ADGRG4: variants seen among roughly 807,000 people sequenced by gnomAD.
ADGRG4 encodes the protein adhesion G protein-coupled receptor G4.
Under a neutral mutation model 126.2 loss-of-function variants are expected in ADGRG4, and 122 were observed. The observed-to-expected ratio is 0.97, with a 90% confidence interval of 0.83 to 1.12. ADGRG4 has a LOEUF of 1.12. ADGRG4 is among the 50% of genes most tolerant of loss of function. The pLI, the probability that ADGRG4 is intolerant of heterozygous loss-of-function variation, is 0.00. For synonymous variants in ADGRG4, 943 were observed against 838.7 expected (o/e 1.12, Z -2.15); for missense variants, 2,481 against 2,251.8 (o/e 1.10, Z -2.06).
In ADGRG4 at chrX:136,346,908, G is replaced by A; in HGVS notation, c.3202G>A (p.Asp1068Asn). ...GACCACAGCATTGGTACCACCTTTGGATCAGACTGCTTCCACAACCATTGT... is the reference window on the plus strand; with the variant it reads ...GACCACAGCATTGGTACCACCTTTGAATCAGACTGCTTCCACAACCATTGT... ...TMTTALVPPL[D>N]QTASTTIVIV... The change falls in exon 6 of 26, where the codon GAT becomes AAT. Residue 1068 changes from aspartate to asparagine, a missense_variant. Physicochemically the swap from Asp to Asn is conservative, Grantham distance 23. Coordinates refer to ENST00000394143, the MANE Select transcript of ADGRG4 (RefSeq NM_153834.4). The A allele has an allele frequency of 8.3e-7, 1 of 1,210,793 alleles. No homozygotes were observed. Among genetic ancestry groups the A allele is most frequent in the Non-Finnish European group, 1.1e-6 (1 of 895,020 alleles).
At chrX:136,375,769 G>C (rs1218307743) in intron 15 of ADGRG4, among the ~76,000 whole-genome samples, 1 of 111,873 alleles carries the variant, frequency 8.9e-6, no homozygotes, top group Non-Finnish European at 1.9e-5. Flanking sequence ...TGAATTCCTT[G>C]TAGATTCTGG....
chrX:136,338,927 T>G (rs888616727), intron 5 of ADGRG4, among the ~76,000 whole-genome samples: 3 of 111,665 alleles, frequency 2.7e-5, no homozygotes, highest in African/African-American at 9.8e-5. Flanking sequence ...ATTTTTATAG[T>G]CTTTGTGATG....
chrX:136,366,175 T>G (rs1482462929), intron 13 of ADGRG4, among the ~76,000 whole-genome samples: 3 of 112,575 alleles, frequency 2.7e-5, no homozygotes, highest in Non-Finnish European at 5.6e-5. Flanking sequence ...AAAAGTCCTC[T>G]ATGCTCCACT....
chrX:136,357,826 G>T (rs1569327260), intron 10 of ADGRG4, 70 bp downstream of exon 10: 1 of 746,520 alleles, frequency 1.3e-6, no homozygotes, highest in Non-Finnish European at 2.0e-6. Context: ...ATTTAATTCT[G>T]CATGTGCGGC....
At chrX:136,357,579 C>A in intron 9 of ADGRG4, 125 bp from the exon 10 acceptor site, 2 of 487,249 alleles carry the variant, frequency 4.1e-6, no homozygotes, top group East Asian at 3.9e-5. Context: ...GGGTAGTTTG[C>A]AGACGGCAAT....
In ADGRG4 at chrX:136,353,334, C is replaced by G. The variant is rs1388739384; in HGVS notation, c.6823-3C>G. On this transcript the variant is annotated splice_region_variant and splice_polypyrimidine_tract_variant and intron_variant, in intron 7 of 25. Coordinates refer to ENST00000394143, the MANE Select transcript of ADGRG4 (RefSeq NM_153834.4). Reference sequence around the variant, plus strand: ...AAAACTGATTTTTTTTTGTCTTGTACAGTTGAATTCTATATTTCAGAACAG... The same window carrying G: ...AAAACTGATTTTTTTTTGTCTTGTAGAGTTGAATTCTATATTTCAGAACAG... 1 of 1,166,428 alleles carries G rather than the reference C, an allele frequency of 8.6e-7. No individual in the cohort carries two copies.
intron 15 of ADGRG4, among the ~76,000 whole-genome samples, chrX:136,380,165 C>CAAA (rs530503038): frequency 2.0e-5 from 1 of 50,013 alleles, no homozygotes; most frequent in Non-Finnish European, 3.9e-5. Flanking sequence ...AAGCTGTTAC[C>CAAA]AAAAAAAAAA....
chrX:136,400,873 GTCAGC>G (rs2075376060), intron 21 of ADGRG4, among the ~76,000 whole-genome samples: 1 of 112,023 alleles, frequency 8.9e-6, no homozygotes, highest in Admixed American at 9.4e-5. Flanking sequence ...AACTGACATG[GTCAGC>G]TCGGCTCCTT....
intron 4 of ADGRG4, among the ~76,000 whole-genome samples, chrX:136,311,442 A>T (rs975509873): frequency 9.6e-6 from 1 of 104,423 alleles, no homozygotes; most frequent in Non-Finnish European, 2.0e-5. Flanking sequence ...CTCACACCCC[A>T]AGTGGAGTAG....
chrX:136,378,652 T>C (rs748493110), intron 15 of ADGRG4, among the ~76,000 whole-genome samples: 12 of 111,980 alleles, frequency 1.1e-4, no homozygotes, highest in Non-Finnish European at 1.7e-4. Context: ...GTTCTTTATT[T>C]GATTGAGGTA....
chrX:136,400,360 A>G (rs2075373507), intron 21 of ADGRG4, among the ~76,000 whole-genome samples: 1 of 112,057 alleles, frequency 8.9e-6, no homozygotes, highest in Non-Finnish European at 1.9e-5. Context: ...TGCTGGCTCT[A>G]TAGTAGTGAA....
chrX:136,379,886 A>G (rs2075249299), intron 15 of ADGRG4, among the ~76,000 whole-genome samples: 1 of 111,235 alleles, frequency 9.0e-6, no homozygotes, highest in Non-Finnish European at 1.9e-5. Flanking sequence ...GTCCTTTGTG[A>G]CTGGCTTTTT....
At chrX:136,400,574 G>T (rs1330982299) in intron 21 of ADGRG4, among the ~76,000 whole-genome samples, 1 of 112,368 alleles carries the variant, frequency 8.9e-6, no homozygotes, top group Non-Finnish European at 1.9e-5. Context: ...GAAAGATGAG[G>T]TAATTTGCCA....
Position 136,347,539 on chromosome X carries a change from C to T in ADGRG4, c.3833C>T (p.Ser1278Phe). 1.7e-6 allele frequency: 2 copies of T among 1,208,715 alleles called. No homozygotes were observed. The highest frequency in any genetic ancestry group is 3.5e-5 in the African/African-American group (2 of 57,693). The change falls in exon 6 of 26, where the codon TCC becomes TTC. Residue 1278 changes from serine to phenylalanine, a missense_variant. Physicochemically the swap from Ser to Phe is radical, Grantham distance 155. Coordinates refer to ENST00000394143, the MANE Select transcript of ADGRG4 (RefSeq NM_153834.4). ...TPRTMEVTEM[S>F]PSKNSFISYS... ...AGAACTATGGAGGTGACAGAAATGT[C>T]CCCATCAAAGAATTCTTTTATTTCA...
At position 136,369,612 on chromosome X, in the gene ADGRG4, G is replaced by T. The variant is rs139789187; in HGVS notation, c.7397-1716G>T. The stretch of plus-strand genomic sequence containing the variant: ...AAAGAATCATGACTAGGCAGCTCTT[G>T]TTATTCCATTTTAAACAAAGTCTGA... On this transcript the variant is annotated intron_variant, in intron 13 of 25. Coordinates refer to ENST00000394143, the MANE Select transcript of ADGRG4 (RefSeq NM_153834.4). Among the ~76,000 whole-genome samples the T allele has an allele frequency of 9.4e-3, 1,058 of 112,381 alleles. 11 individuals carry two copies. Among genetic ancestry groups the T allele is most frequent in the African/African-American group, 0.032 (987 of 30,978 alleles).
chrX:136,316,329 C>G (rs1054504954), intron 4 of ADGRG4, among the ~76,000 whole-genome samples: 1 of 110,310 alleles, frequency 9.1e-6, no homozygotes, highest in South Asian at 3.9e-4. Flanking sequence ...GTAGAAAAAC[C>G]TGTATAGGAT....
intron 4 of ADGRG4, among the ~76,000 whole-genome samples, chrX:136,313,138 G>A (rs1356640795): frequency 8.9e-6 from 1 of 112,086 alleles, no homozygotes; most frequent in Admixed American, 9.4e-5. Context: ...GTTTTGTGTG[G>A]GCATATGCTT....
At chrX:136,415,881 C>T (rs1328074723) in intron 25 of ADGRG4, among the ~76,000 whole-genome samples, 1 of 111,884 alleles carries the variant, frequency 8.9e-6, no homozygotes. Flanking sequence ...ACCAAGCAAT[C>T]GACCTGGAAA....
chrX:136,349,578 T>C lies in ADGRG4; in HGVS notation c.5872T>C (p.Ser1958Pro). Residue 1958 changes from serine to proline, a missense_variant, in exon 6 of 26, where the codon TCA becomes CCA. Transcript: ENST00000394143. The part of the protein sequence containing the change: ...NHGLSENPSL[S>P]TSLRAITSTL... Reference sequence around the variant, plus strand: ...TGGGCTTTCTGAGAACCCTTCATTATCAACATCTTTAAGAGCTATCACTTC... The same window carrying C: ...TGGGCTTTCTGAGAACCCTTCATTACCAACATCTTTAAGAGCTATCACTTC... 1 of 1,210,154 alleles carries C rather than the reference T, an allele frequency of 8.3e-7. No homozygotes were observed. The highest frequency in any genetic ancestry group is 1.1e-6 in the Non-Finnish European group (1 of 894,526).
Sources: gnomAD v4.1 joint callset for allele counts (sites outside exome capture counted in the v4.1 genomes callset) on GRCh38, gnomAD v4.1.1 for gene constraint, MANE v1.5 for transcripts, NCBI Gene and HGNC (gene_info 2026-07-23, HGNC 2026-07-21) for gene names.